The following ADD3 variants were observed in gnomAD, a reference collection of about 807,000 sequenced individuals.
ADD3 encodes the protein adducin 3, also known as gamma-adducin.
A neutral mutation model predicts 80.2 loss-of-function variants in ADD3; 25 were observed. That is an observed-to-expected ratio of 0.31 (90% CI 0.23 to 0.44). The LOEUF (loss-of-function observed/expected upper bound fraction) is 0.44. ADD3 is among the 20% of genes least tolerant of loss of function. The pLI is 1.00. For synonymous variants in ADD3, 284 were observed against 289.6 expected (o/e 0.98, Z 0.20); for missense variants, 829 against 847.5 (o/e 0.98, Z 0.27).
intron 1 of ADD3, among the ~76,000 whole-genome samples, chr10:109,998,956 C>T (rs538969102): frequency 8.6e-5 from 13 of 152,022 alleles, no homozygotes; most frequent in Non-Finnish European, 1.3e-4. Context: ...TTTCCCAGTA[C>T]AATAAAAGCT....
At chr10:110,005,627 A>G (rs909847137), upstream of ADD3, among the ~76,000 whole-genome samples, 2 of 152,214 alleles carry the variant, frequency 1.3e-5, no homozygotes, top group Non-Finnish European at 1.5e-5. Context: ...ACAAATTACT[A>G]ATCAGTTTCA....
At chr10:110,049,643 T>G (rs1857273941) in intron 1 of ADD3, among the ~76,000 whole-genome samples, 1 of 152,178 alleles carries the variant, frequency 6.6e-6, no homozygotes, top group Non-Finnish European at 1.5e-5. Context: ...AGCCCAGCAC[T>G]TTGGGAGGCC....
chr10:110,042,381 G>A (rs1856467184), intron 1 of ADD3, among the ~76,000 whole-genome samples: 1 of 152,142 alleles, frequency 6.6e-6, no homozygotes, highest in African/African-American at 2.4e-5. Flanking sequence ...CAGGCATTCA[G>A]GGGGCTTTCC....
At chr10:110,039,242 C>T (rs1856011885) in intron 1 of ADD3, among the ~76,000 whole-genome samples, 1 of 121,772 alleles carries the variant, frequency 8.2e-6, no homozygotes, top group South Asian at 2.2e-4. Context: ...TCCGCTACCA[C>T]CTCCTCCCAT....
At position 110,135,119 on chromosome 10, in the gene ADD3, G is replaced by C. The variant is rs139817876; in HGVS notation, c.*1501G>C. 3.9e-5 allele frequency: 6 copies of C among 152,338 alleles called. No homozygotes were observed. Among genetic ancestry groups the C allele is most frequent in the Non-Finnish European group, 8.8e-5 (6 of 68,008 alleles). The allele number at this position is 152,338 out of a possible 1,614,324, so 9.4% of individuals were successfully genotyped here. The stretch of plus-strand genomic sequence containing the variant: ...ATTGATTACAGTGTGTTTTGGAGCT[G>C]GCTCTGTTTGTGTGCATATGATAAT... On this transcript the variant is annotated 3_prime_UTR_variant, in exon 15 of 15. Coordinates refer to ENST00000356080, the MANE Select transcript of ADD3 (RefSeq NM_016824.5).
intron 12 of ADD3, among the ~76,000 whole-genome samples, chr10:110,130,111 T>C (rs1417773427): frequency 1.3e-5 from 2 of 152,246 alleles, no homozygotes; most frequent in Admixed American, 6.5e-5. Context: ...TTAAAAATTA[T>C]TAAGATTTAC....
chr10:110,007,756 C>CGAGGG (rs1331714237), upstream of ADD3, among the ~76,000 whole-genome samples: 2 of 151,446 alleles, frequency 1.3e-5, no homozygotes, highest in African/African-American at 4.9e-5. Flanking sequence ...CCAGGACTCC[C>CGAGGG]GAGGGGCGCT....
chr10:110,054,533 C>T (rs1441981349), intron 1 of ADD3, among the ~76,000 whole-genome samples: 3 of 151,324 alleles, frequency 2.0e-5, no homozygotes, highest in African/African-American at 7.3e-5. Context: ...CCTCCACCTC[C>T]CAGGTTCAAG....
At chr10:110,075,902 G>C (rs533928219) in intron 1 of ADD3, among the ~76,000 whole-genome samples, 479 of 152,260 alleles carry the variant, frequency 3.1e-3, no homozygotes, top group Non-Finnish European at 5.7e-3. Context: ...TCAATCAACA[G>C]CCCCTCACTA....
At chr10:110,008,357 G>C (rs1851882239) in intron 1 of ADD3, 58 bp downstream of exon 1, 1 of 152,440 alleles carries the variant, frequency 6.6e-6, no homozygotes, top group Non-Finnish European at 1.5e-5. Context: ...GCCGGGACGC[G>C]GGCACCCGCG....
At chr10:110,078,846 G>A (rs1172013033) in intron 1 of ADD3, among the ~76,000 whole-genome samples, 1 of 152,162 alleles carries the variant, frequency 6.6e-6, no homozygotes, top group African/African-American at 2.4e-5. Context: ...GACTTTTACA[G>A]TTATGCTGGA....
chr10:110,033,616 C>T (rs1855306616), intron 1 of ADD3, among the ~76,000 whole-genome samples: 1 of 152,102 alleles, frequency 6.6e-6, no homozygotes, highest in Non-Finnish European at 1.5e-5. Flanking sequence ...GAGCAGTGTT[C>T]TTGAAGTATA....
Position 110,108,307 on chromosome 10 carries a change from A to G in ADD3, c.196-4470A>G, listed in dbSNP as rs148322709. ...GCCTAAGAGGTTTACTCAACATTTC[A>G]GATCACAACATGCCTGCTAGCTTAT... On this transcript the variant is annotated intron_variant, in intron 2 of 14. Transcript: ENST00000356080. Among the ~76,000 whole-genome samples the G allele has an allele frequency of 3.5e-3, 530 of 152,300 alleles. 2 individuals carry two copies. The highest frequency in any genetic ancestry group is 0.012 in the African/African-American group (482 of 41,578).
At chr10:110,060,545 C>T (rs1858756457) in intron 1 of ADD3, among the ~76,000 whole-genome samples, 1 of 152,224 alleles carries the variant, frequency 6.6e-6, no homozygotes, top group South Asian at 2.1e-4. Context: ...GCTCTGTGTT[C>T]TAACCATTCC....
chr10:110,130,021 G>A (rs11194997), intron 12 of ADD3, among the ~76,000 whole-genome samples: 53,093 of 152,016 alleles, frequency 0.35, 14,286 homozygotes, highest in African/African-American at 0.74. Context: ...CTTTTTTACA[G>A]TGGTCTTTAA....
chr10:110,043,749 C>T (rs1424118782), intron 1 of ADD3, among the ~76,000 whole-genome samples: 1 of 152,108 alleles, frequency 6.6e-6, no homozygotes, highest in African/African-American at 2.4e-5. Flanking sequence ...AATGATAAAT[C>T]AGAAATAGAT....
upstream of ADD3, among the ~76,000 whole-genome samples, chr10:110,001,127 A>G (rs1851475874): frequency 6.6e-6 from 1 of 152,150 alleles, no homozygotes; most frequent in Admixed American, 6.6e-5. Flanking sequence ...AGATTAAGAT[A>G]CTAGGGGCTG....
At chr10:110,058,871 G>C (rs1286315329) in intron 1 of ADD3, among the ~76,000 whole-genome samples, 1 of 152,182 alleles carries the variant, frequency 6.6e-6, no homozygotes, top group Non-Finnish European at 1.5e-5. Context: ...GGAAGGATCT[G>C]TCATATTACT....
intron 12 of ADD3, among the ~76,000 whole-genome samples, chr10:110,129,990 T>C (rs1384990839): frequency 6.6e-6 from 1 of 152,216 alleles, no homozygotes; most frequent in Non-Finnish European, 1.5e-5. Flanking sequence ...CTACTTTTGG[T>C]ACAGTTTCAT....
Sources: gnomAD v4.1 joint callset for allele counts (sites outside exome capture counted in the v4.1 genomes callset) on GRCh38, gnomAD v4.1.1 for gene constraint, MANE v1.5 for transcripts, NCBI Gene and HGNC (gene_info 2026-07-23, HGNC 2026-07-21) for gene names.